Variants in ADAMTS18 observed in about 807,000 individuals in gnomAD.
The protein encoded by ADAMTS18 is ADAM metallopeptidase with thrombospondin type 1 motif 18.
Under a neutral mutation model 165.9 loss-of-function variants are expected in ADAMTS18, and 157 were observed. That is an observed-to-expected ratio of 0.95 (90% CI 0.83 to 1.08). The LOEUF is 1.08. ADAMTS18 is among the 50% of genes least tolerant of loss of function. The pLI is 0.00. For missense variants in ADAMTS18, 2,040 were observed against 1,534.0 expected (o/e 1.33, Z -5.51); for synonymous variants, 782 against 578.2 (o/e 1.35, Z -5.06).
At chr16:77,424,195 G>A (rs186963539) in intron 3 of ADAMTS18, among the ~76,000 whole-genome samples, 206 of 152,266 alleles carry the variant, frequency 1.4e-3, no homozygotes, top group Admixed American at 2.2e-3. Flanking sequence ...CAGGCCGGGC[G>A]CGGTGGCTCA....
rs1463170606 is a variant in ADAMTS18, at chr16:77,321,106, G to C, written c.2260C>G (p.Leu754Val). Residue 754 changes from leucine to valine, a missense_variant, in exon 15 of 23, where the codon CTG (leucine) becomes GTG (valine). Physicochemically the swap from Leu to Val is conservative, Grantham distance 32. Transcript: ENST00000282849. ...DNSTCKFYKG[L>V]YLNQHKANEY... ...TTTGCTTTATGCTGGTTGAGGTACAGGCCTTTATAAAACTTGCAAGTTGAA... is the reference window on the plus strand; with the variant it reads ...TTTGCTTTATGCTGGTTGAGGTACACGCCTTTATAAAACTTGCAAGTTGAA... The C allele has an allele frequency of 1.2e-6, 2 of 1,614,174 alleles. No individual in the cohort carries two copies. Among genetic ancestry groups the C allele is most frequent in the East Asian group, 2.2e-5 (1 of 44,878 alleles).
rs1322668538 is a variant in ADAMTS18, at chr16:77,434,404, G to C, written c.178+14C>G. 1.3e-6 allele frequency: 2 copies of C among 1,564,360 alleles called. No homozygotes were observed. The highest frequency in any genetic ancestry group is 8.6e-7 in the Non-Finnish European group (1 of 1,161,260). On this transcript the variant is annotated intron_variant, in intron 2 of 22. Coordinates refer to ENST00000282849, the MANE Select transcript of ADAMTS18 (RefSeq NM_199355.4). Reference sequence around the variant, plus strand: ...GCGAAAGGCCCTTCTTGGGGATGGGGGGCAAATACGAACCATCATTTAATC... The same window carrying C: ...GCGAAAGGCCCTTCTTGGGGATGGGCGGCAAATACGAACCATCATTTAATC...
chr16:77,375,567 G>A (rs1033858900), intron 3 of ADAMTS18, among the ~76,000 whole-genome samples: 3 of 152,206 alleles, frequency 2.0e-5, no homozygotes, highest in Non-Finnish European at 4.4e-5. Context: ...ATGGAACTGA[G>A]AGACTGATGT....
intron 21 of ADAMTS18, among the ~76,000 whole-genome samples, chr16:77,289,925 T>C (rs1168260586): frequency 6.6e-6 from 1 of 152,168 alleles, no homozygotes; most frequent in Non-Finnish European, 1.5e-5. Context: ...CTGATTTCAG[T>C]GTGCAATTAA....
chr16:77,431,450 G>T lies in ADAMTS18; in HGVS notation c.340C>A (p.Pro114Thr), dbSNP rs150212335. ...FGQELHLELKPSAILSSHFIV... is the reference protein window; with the variant it reads ...FGQELHLELKTSAILSSHFIV... ...AAGTGACTGCTCAAAATCGCCGAGG[G>T]CTTAAGTTCTAAGTGCAGTTCCTGT... Residue 114 changes from proline (P) to threonine (T), a missense_variant, in exon 3 of 23, where the codon CCC becomes ACC. Transcript: ENST00000282849. 242 of 1,614,186 alleles carry T rather than the reference G, an allele frequency of 1.5e-4. No individual in the cohort carries two copies. The African/African-American group carries it at 3.0e-3, about 20-fold the overall frequency.
rs139388962 is a variant in ADAMTS18 at position 77,387,059 on chromosome 16, C to T, written c.496-19336G>A. Among the ~76,000 whole-genome samples, 879 of 152,232 alleles carry T rather than the reference C, an allele frequency of 5.8e-3. 4 individuals carry two copies. Among genetic ancestry groups the T allele is most frequent in the Non-Finnish European group, 1.0e-2 (680 of 68,020 alleles). ...AGGGCTATTTGCATACTAATATGCC[C>T]CACCCAGATTCAGATGCAGAGGGAC... On this transcript the variant is annotated intron_variant, in intron 3 of 22. Transcript: ENST00000282849.
intron 2 of ADAMTS18, among the ~76,000 whole-genome samples, chr16:77,432,896 A>C (rs2057755345): frequency 1.3e-5 from 2 of 152,180 alleles, no homozygotes; most frequent in African/African-American, 4.8e-5. Flanking sequence ...TCTGTTTATG[A>C]ACCATCTGTG....
At chr16:77,397,720 A>C (rs1326105304) in intron 3 of ADAMTS18, among the ~76,000 whole-genome samples, 1 of 152,254 alleles carries the variant, frequency 6.6e-6, no homozygotes, top group African/African-American at 2.4e-5. Flanking sequence ...GCTTACAAAA[A>C]ATGTTGAGTA....
chr16:77,324,360 C>T (rs911192555), intron 13 of ADAMTS18, among the ~76,000 whole-genome samples: 4 of 152,174 alleles, frequency 2.6e-5, no homozygotes, highest in Non-Finnish European at 5.9e-5. Context: ...TAGAATGCCT[C>T]TAGTGATGGG....
Position 77,335,924 on chromosome 16 carries a change from G to A in ADAMTS18, c.1711-20C>T. 1 of 1,614,100 alleles carries A rather than the reference G, an allele frequency of 6.2e-7. No homozygotes were observed. Among genetic ancestry groups the A allele is most frequent in the Non-Finnish European group, 8.5e-7 (1 of 1,179,988 alleles). ...ACACCACTGTGAAAAGAACGTGTAA[G>A]ATGGTTCCCGTCAGAGACCACCTGG... is the stretch of plus-strand genomic sequence containing the variant. On this transcript the variant is annotated intron_variant, in intron 11 of 22. Coordinates refer to ENST00000282849, the MANE Select transcript of ADAMTS18 (RefSeq NM_199355.4).
chr16:77,409,559 C>G (rs1375402121), intron 3 of ADAMTS18, among the ~76,000 whole-genome samples: 1 of 152,152 alleles, frequency 6.6e-6, no homozygotes, highest in Non-Finnish European at 1.5e-5. Flanking sequence ...CAATGGAGAA[C>G]TGAATCCTGA....
At chr16:77,434,262 G>A (rs1320318584) in intron 2 of ADAMTS18, among the ~76,000 whole-genome samples, 156 bp downstream of exon 2, 1 of 151,854 alleles carries the variant, frequency 6.6e-6, no homozygotes, top group Non-Finnish European at 1.5e-5. Flanking sequence ...TTCAGTCCTT[G>A]CCAACCTTCC....
intron 16 of ADAMTS18, among the ~76,000 whole-genome samples, chr16:77,319,215 T>C (rs2144635210): frequency 6.6e-6 from 1 of 152,292 alleles, no homozygotes; most frequent in African/African-American, 2.4e-5. Flanking sequence ...ATAGCTACAA[T>C]GGAGCATCCA....
intron 16 of ADAMTS18, among the ~76,000 whole-genome samples, chr16:77,314,157 G>A (rs976185179): frequency 6.6e-6 from 1 of 152,126 alleles, no homozygotes; most frequent in Non-Finnish European, 1.5e-5. Flanking sequence ...ATGGACTGAT[G>A]GGACTGGGTA....
chr16:77,426,766 T>A (rs1285134763), intron 3 of ADAMTS18, among the ~76,000 whole-genome samples: 1 of 152,170 alleles, frequency 6.6e-6, no homozygotes, highest in Non-Finnish European at 1.5e-5. Context: ...TCAAGCCTGG[T>A]AATCCCAGCA....
intron 3 of ADAMTS18, among the ~76,000 whole-genome samples, chr16:77,428,366 C>A (rs961271470): frequency 6.6e-6 from 1 of 151,992 alleles, no homozygotes; most frequent in Admixed American, 6.6e-5. Flanking sequence ...AGTTATGAAC[C>A]CCTGATTAAC....
intron 3 of ADAMTS18, among the ~76,000 whole-genome samples, chr16:77,408,952 T>A (rs2057426499): frequency 6.6e-6 from 1 of 152,200 alleles, no homozygotes; most frequent in Non-Finnish European, 1.5e-5. Context: ...TAACTTTTAA[T>A]ACAGTATATG....
In ADAMTS18 at chr16:77,300,403, A is replaced by G; in HGVS notation, c.2534T>C (p.Ile845Thr). 1 of 1,614,068 alleles carries G rather than the reference A, an allele frequency of 6.2e-7. No homozygotes were observed. Residue 845 changes from isoleucine to threonine, a missense_variant and splice_region_variant, in exon 17 of 23, where the codon ATT becomes ACT. Ile to Thr is a moderately conservative substitution (Grantham distance 89, BLOSUM62 -1). Transcript: ENST00000282849. ...CCCTGGATTTTTGCCTTGCATCAGAATCTGGACAGTGTAAGATAAAAATCA... is the reference window on the plus strand; with the variant it reads ...CCCTGGATTTTTGCCTTGCATCAGAGTCTGGACAGTGTAAGATAAAAATCA... ...GPTNETLVFE[I>T]LMQGKNPGIA...
At position 77,297,307 on chromosome 16, in the gene ADAMTS18, G is replaced by C. The variant is rs777614095; in HGVS notation, c.2783C>G (p.Ala928Gly). The change falls in exon 18 of 23, where the codon GCT becomes GGT. Residue 928 changes from alanine (A) to glycine (G), a missense_variant. Coordinates refer to ENST00000282849, the MANE Select transcript of ADAMTS18 (RefSeq NM_199355.4). The part of the protein sequence containing the change: ...KPVTEPKICN[A>G]FSCPAYWMPG... ...GACTTACTAAGCCGGGCAGGAGAAA[G>C]CGTTGCAGATTTTGGGCTCAGTTAC... The C allele has an allele frequency of 1.9e-6, 3 of 1,614,190 alleles. No individual in the cohort carries two copies. The highest frequency in any genetic ancestry group is 2.2e-5 in the South Asian group (2 of 91,086).
Sources: gnomAD v4.1 joint callset for allele counts (sites outside exome capture counted in the v4.1 genomes callset) on GRCh38, gnomAD v4.1.1 for gene constraint, MANE v1.5 for transcripts, NCBI Gene and HGNC (gene_info 2026-07-23, HGNC 2026-07-21) for gene names.